ZDHHC14: variants seen among roughly 807,000 people sequenced by gnomAD.
ZDHHC14 encodes zDHHC palmitoyltransferase 14, also known as palmitoyltransferase ZDHHC14.
ZDHHC14 carries 16 observed loss-of-function variants against 47.7 expected under a neutral mutation model. The observed-to-expected ratio is 0.34, with a 90% CI of 0.23 to 0.51. ZDHHC14 has a LOEUF of 0.51. ZDHHC14 is among the 20% of genes least tolerant of loss of function. The probability of loss-of-function intolerance (pLI) is 0.97; values close to 1 mark genes in which losing one functional copy is unlikely to be tolerated. For synonymous variants in ZDHHC14, 293 were observed against 278.9 expected (o/e 1.05, Z -0.50); for missense variants, 515 against 662.5 (o/e 0.78, Z 2.44).
rs1777217692 is a variant in ZDHHC14 at position 157,381,867 on chromosome 6, T to G, written c.-155T>G. ...CCCCGGAGGGTTAACCTGGGTGTCC[T>G]CGGCAAAGTTGTCGCCGAGCCGGGA... On this transcript the variant is annotated 5_prime_UTR_variant, in exon 1 of 9. Transcript: ENST00000359775. The G allele has an allele frequency of 1.7e-6, 1 of 581,336 alleles. No individual in the cohort carries two copies. Among genetic ancestry groups the G allele is most frequent in the Admixed American group, 6.6e-5 (1 of 15,052 alleles). 36.0% of individuals were successfully genotyped at this position (581,336 alleles called of 1,614,324 possible).
intron 2 of ZDHHC14, among the ~76,000 whole-genome samples, chr6:157,555,931 T>G (rs1782440068): frequency 6.6e-6 from 1 of 152,048 alleles, no homozygotes; most frequent in African/African-American, 2.4e-5. Flanking sequence ...ACCGTCCGCC[T>G]AGGAGGGGAT....
chr6:157,471,959 C>G lies in ZDHHC14; in HGVS notation c.246-70626C>G, dbSNP rs528396601. ...ACTTGGGCGTTTTCACCATTACTTT[C>G]TGATTAGCATGCACGTGGCCAATAG... is the stretch of plus-strand genomic sequence containing the variant. On this transcript the variant is annotated intron_variant, in intron 1 of 8. Coordinates refer to ENST00000359775, the MANE Select transcript of ZDHHC14 (RefSeq NM_024630.3). 8.9e-4 allele frequency among the ~76,000 whole-genome samples: 135 copies of G among 152,322 alleles called. 1 individual carries two copies. The highest frequency in any genetic ancestry group is 3.1e-3 in the African/African-American group (130 of 41,562).
intron 1 of ZDHHC14, among the ~76,000 whole-genome samples, chr6:157,448,607 T>C (rs1366045169): frequency 6.6e-6 from 1 of 152,236 alleles, no homozygotes; most frequent in Non-Finnish European, 1.5e-5. Flanking sequence ...ACAATACATG[T>C]GATCTTTATT....
At chr6:157,654,948 TG>T (rs1778018397) in intron 8 of ZDHHC14, among the ~76,000 whole-genome samples, 1 of 152,168 alleles carries the variant, frequency 6.6e-6, no homozygotes, top group South Asian at 2.1e-4. Flanking sequence ...TTGGCCAGGC[TG>T]GTCTCGAACT....
At position 157,444,174 on chromosome 6, in the gene ZDHHC14, G is replaced by T. The variant is rs1259874192; in HGVS notation, c.245+61908G>T. On this transcript the variant is annotated intron_variant, in intron 1 of 8. Transcript: ENST00000359775. ...TAAACTGACTCCAAATTATTATACA[G>T]CCTTCTGCAATATTATTAGATGGTC... is the stretch of plus-strand genomic sequence containing the variant. 2.0e-5 allele frequency among the ~76,000 whole-genome samples: 3 copies of T among 152,148 alleles called. No homozygotes were observed. In the East Asian group the frequency reaches 5.8e-4, roughly 29 times the overall value.
At chr6:157,610,074 C>T (rs1016964629) in intron 3 of ZDHHC14, among the ~76,000 whole-genome samples, 1 of 152,164 alleles carries the variant, frequency 6.6e-6, no homozygotes, top group Admixed American at 6.5e-5. Context: ...CATAGAGGCC[C>T]ACGCAGTGAC....
At chr6:157,640,971 G>A (rs974927331) in intron 5 of ZDHHC14, among the ~76,000 whole-genome samples, 3 of 152,178 alleles carry the variant, frequency 2.0e-5, no homozygotes, top group Non-Finnish European at 4.4e-5. Flanking sequence ...ATACACATAT[G>A]CTGATACGGG....
intron 2 of ZDHHC14, among the ~76,000 whole-genome samples, chr6:157,574,931 T>C (rs1783249495): frequency 6.6e-6 from 1 of 152,224 alleles, no homozygotes; most frequent in Non-Finnish European, 1.5e-5. Context: ...TTCAGTGCTC[T>C]CTAGAGAAAT....
At chr6:157,637,858 G>A (rs1777059595) in intron 5 of ZDHHC14, among the ~76,000 whole-genome samples, 1 of 152,222 alleles carries the variant, frequency 6.6e-6, no homozygotes, top group Admixed American at 6.5e-5. Context: ...CATTGAGGAA[G>A]CGAGAGAGAT....
At chr6:157,404,703 G>A (rs1231868377) in intron 1 of ZDHHC14, among the ~76,000 whole-genome samples, 1 of 152,184 alleles carries the variant, frequency 6.6e-6, no homozygotes, top group African/African-American at 2.4e-5. Flanking sequence ...CATAGATGCT[G>A]AATGGAAGCT....
In ZDHHC14 at chr6:157,492,197, T is replaced by TCCGCCC. The variant is rs1282859787; in HGVS notation, c.246-50379_246-50374dup. On this transcript the variant is annotated intron_variant, in intron 1 of 8. Coordinates refer to ENST00000359775, the MANE Select transcript of ZDHHC14 (RefSeq NM_024630.3). ...GAGCCTTGACCCTCAACATCCCCCC[T>TCCGCCC]CCGCCCCCGCCCCCCAGCCACTGTA... Among the ~76,000 whole-genome samples, 66 of 78,490 alleles carry TCCGCCC rather than the reference T, an allele frequency of 8.4e-4. 2 individuals are homozygous for TCCGCCC. Among genetic ancestry groups the TCCGCCC allele is most frequent in the East Asian group, 4.5e-3 (12 of 2,672 alleles). The allele number at this position is 78,490 out of a possible 152,430, so 51.5% of individuals were successfully genotyped here. A position where few individuals can be genotyped will look rare whatever the true frequency, so the allele number is the denominator to read the frequency against.
intron 1 of ZDHHC14, among the ~76,000 whole-genome samples, chr6:157,472,127 C>T (rs1779369008): frequency 6.6e-6 from 1 of 152,134 alleles, no homozygotes. Context: ...GGTGCTCAGG[C>T]CTGTCTCCCG....
At chr6:157,436,602 G>T (rs1778445033) in intron 1 of ZDHHC14, among the ~76,000 whole-genome samples, 1 of 149,620 alleles carries the variant, frequency 6.7e-6, no homozygotes, top group African/African-American at 2.4e-5. Context: ...GGGTAAAGGG[G>T]GGTTGCAGGA....
intron 3 of ZDHHC14, among the ~76,000 whole-genome samples, chr6:157,623,108 C>CCT (rs1785259140): frequency 6.6e-6 from 1 of 152,168 alleles, no homozygotes; most frequent in Non-Finnish European, 1.5e-5. Flanking sequence ...CATCCCCCAC[C>CCT]CTCAGTATTC....
chr6:157,437,334 C>G (rs1778461496), intron 1 of ZDHHC14, among the ~76,000 whole-genome samples: 2 of 152,184 alleles, frequency 1.3e-5, no homozygotes, highest in South Asian at 4.1e-4. Flanking sequence ...GGCCACTTTC[C>G]CTCCAGAGGA....
At chr6:157,542,462 T>A (rs1781801998) in intron 1 of ZDHHC14, 123 bp from the exon 2 acceptor site, 1 of 1,329,430 alleles carries the variant, frequency 7.5e-7, no homozygotes, top group Non-Finnish European at 1.0e-6. Context: ...TTAATGGAAA[T>A]CAATTTCTCT....
Position 157,495,515 on chromosome 6 carries a change from C to T in ZDHHC14, c.246-47070C>T, listed in dbSNP as rs563952821. 4.6e-5 allele frequency among the ~76,000 whole-genome samples: 7 copies of T among 152,012 alleles called. No individual in the cohort carries two copies. In the South Asian group the frequency reaches 1.5e-3, roughly 32 times the overall value. ...GACGGACTTTGCACAGCATCAGAGA[C>T]CCCAGAAGCAGGACAACAAACCCAG... On this transcript the variant is annotated intron_variant, in intron 1 of 8. Transcript: ENST00000359775.
intron 1 of ZDHHC14, among the ~76,000 whole-genome samples, chr6:157,412,233 C>G (rs2114759193): frequency 6.6e-6 from 1 of 151,810 alleles, no homozygotes; most frequent in East Asian, 1.9e-4. Flanking sequence ...GCCACTGCGC[C>G]TGGCCAGTTT....
intron 1 of ZDHHC14, among the ~76,000 whole-genome samples, chr6:157,449,321 T>C (rs888592438): frequency 2.0e-5 from 3 of 152,172 alleles, no homozygotes; most frequent in Non-Finnish European, 4.4e-5. Context: ...AAGAGAATAC[T>C]ATACGCGGTA....
Sources: gnomAD v4.1 joint callset for allele counts (sites outside exome capture counted in the v4.1 genomes callset) on GRCh38, gnomAD v4.1.1 for gene constraint, MANE v1.5 for transcripts, NCBI Gene and HGNC (gene_info 2026-07-23, HGNC 2026-07-21) for gene names.